The following TTK variants were observed in gnomAD, a reference collection of about 807,000 sequenced individuals.
The protein encoded by TTK is dual specificity protein kinase TTK.
TTK carries 59 observed loss-of-function variants against 117.3 expected under a neutral mutation model. The ratio of observed to expected loss-of-function variants is 0.50; its 90% CI spans 0.41 to 0.62. The LOEUF is 0.62. Among genes scored for constraint, TTK ranks in the 20% least tolerant of loss-of-function variants. The pLI is 0.00. For missense variants in TTK, 921 were observed against 989.4 expected (o/e 0.93, Z 0.93); for synonymous variants, 302 against 325.0 (o/e 0.93, Z 0.76).
In TTK at chr6:80,027,957, C is replaced by T. The variant is rs1286676587; in HGVS notation, c.1467C>T (p.Ala489=). The part of the protein sequence containing the change: ...CQLSTPYGQP[A]CFQQQQHQIL... ...TGTCAACACCTTATGGCCAACCTGC[C>T]TGTTTCCAGCAGCAACAGCATCAAA... The change falls in exon 13 of 22, where the codon GCC becomes GCT. Residue 489 remains alanine, a synonymous_variant. Coordinates refer to ENST00000369798, the MANE Select transcript of TTK (RefSeq NM_003318.5). 3 of 1,607,884 alleles carry T rather than the reference C, an allele frequency of 1.9e-6. No individual in the cohort carries two copies. The highest frequency in any genetic ancestry group is 2.6e-6 in the Non-Finnish European group (3 of 1,176,442).
chr6:80,031,324 G>A, intron 13 of TTK, 143 bp from the exon 14 acceptor site: 1 of 423,146 alleles, frequency 2.4e-6, no homozygotes, highest in Non-Finnish European at 4.0e-6. Context: ...TGATTAAGTA[G>A]AGCAAGTCCT....
In TTK at chr6:80,007,902, C is replaced by G. The variant is rs367719510; in HGVS notation, c.233C>G (p.Pro78Arg). Reference protein sequence around the residue: ...LLLKLEKNSVPLSDALLNKLI... With the variant: ...LLLKLEKNSVRLSDALLNKLI... ...CTCAAACTAGAGAAAAACAGTGTTCCGCTAAGTGATGCTCTTTTAAATAAA... is the reference window on the plus strand; with the variant it reads ...CTCAAACTAGAGAAAAACAGTGTTCGGCTAAGTGATGCTCTTTTAAATAAA... Residue 78 changes from proline to arginine, a missense_variant, in exon 3 of 22, where the codon CCG becomes CGG. Transcript: ENST00000369798. The G allele has an allele frequency of 6.2e-7, 1 of 1,613,522 alleles. No individual in the cohort carries two copies. The highest frequency in any genetic ancestry group is 8.5e-7 in the Non-Finnish European group (1 of 1,179,632).
At chr6:80,036,177 T>C (rs1767901641) in intron 16 of TTK, among the ~76,000 whole-genome samples, 1 of 152,100 alleles carries the variant, frequency 6.6e-6, no homozygotes, top group Non-Finnish European at 1.5e-5. Flanking sequence ...CTGTGTGACC[T>C]TGTACAAGTT....
At position 80,011,625 on chromosome 6, in the gene TTK, A is replaced by G; in HGVS notation, c.728+77A>G. Reference sequence around the variant, plus strand: ...TGTGTTTTTTAATGTAATTACATGTATCTGCATATATGTTTTCATGTGTGT... The same window carrying G: ...TGTGTTTTTTAATGTAATTACATGTGTCTGCATATATGTTTTCATGTGTGT... On this transcript the variant is annotated intron_variant, in intron 6 of 21. Coordinates refer to ENST00000369798, the MANE Select transcript of TTK (RefSeq NM_003318.5). 3 of 1,528,676 alleles carry G rather than the reference A, an allele frequency of 2.0e-6. No homozygotes were observed. In the South Asian group the frequency reaches 3.5e-5, roughly 18 times the overall value. 94.7% of individuals were successfully genotyped at this position (1,528,676 alleles called of 1,614,324 possible).
rs757096451 is a variant in TTK, at chr6:80,034,966, T to C, written c.1615-19T>C. On this transcript the variant is annotated intron_variant, in intron 14 of 21. Coordinates refer to ENST00000369798, the MANE Select transcript of TTK (RefSeq NM_003318.5). The stretch of plus-strand genomic sequence containing the variant: ...GTATAAATAGTATATTCTAAACTTC[T>C]CTTTGTTCTACTCTGTAGGTATTTC... 9.4e-6 allele frequency: 14 copies of C among 1,490,366 alleles called. No individual in the cohort carries two copies. Among genetic ancestry groups the C allele is most frequent in the Non-Finnish European group, 1.2e-5 (14 of 1,120,910 alleles). The allele number at this position is 1,490,366 out of a possible 1,614,324, so 92.3% of individuals were successfully genotyped here.
At chr6:80,024,906 ATAC>A (rs1439393371) in intron 11 of TTK, among the ~76,000 whole-genome samples, 1 of 151,954 alleles carries the variant, frequency 6.6e-6, no homozygotes, top group East Asian at 1.9e-4. Flanking sequence ...TGCTCTTTTG[ATAC>A]TTCTGACTTA....
chr6:80,014,044 T>C (rs1767238313), intron 9 of TTK, among the ~76,000 whole-genome samples: 1 of 152,194 alleles, frequency 6.6e-6, no homozygotes, highest in Non-Finnish European at 1.5e-5. Flanking sequence ...GATTGTTCTC[T>C]GGATTTAGAG....
At position 80,007,340 on chromosome 6, in the gene TTK, G is replaced by A. The variant is rs1351520097; in HGVS notation, c.140-469G>A. On this transcript the variant is annotated intron_variant, in intron 2 of 21. Coordinates refer to ENST00000369798, the MANE Select transcript of TTK (RefSeq NM_003318.5). ...AGGTATACAGAGATAATGTTGAATG[G>A]TTAAGGTTGTAAAGAAGGTTATGTT... is the stretch of plus-strand genomic sequence containing the variant. Among the ~76,000 whole-genome samples the A allele has an allele frequency of 3.3e-5, 5 of 152,124 alleles. No individual in the cohort carries two copies. In the East Asian group the frequency reaches 9.6e-4, roughly 29 times the overall value.
chr6:80,042,049 A>G (rs779489050), intron 21 of TTK, 70 bp from the exon 22 acceptor site: 31 of 852,404 alleles, frequency 3.6e-5, no homozygotes, highest in Non-Finnish European at 5.2e-5. Flanking sequence ...ATACATCAAA[A>G]TACATCTACT....
chr6:80,041,949 C>A (rs1012044866), intron 21 of TTK, among the ~76,000 whole-genome samples, 170 bp from the exon 22 acceptor site: 1 of 151,520 alleles, frequency 6.6e-6, no homozygotes, highest in Non-Finnish European at 1.5e-5. Flanking sequence ...GGCCAAGCTT[C>A]GTGTTTAAAA....
At chr6:80,022,569 A>C (rs1767489913) in intron 11 of TTK, 97 bp downstream of exon 11, 1 of 1,291,212 alleles carries the variant, frequency 7.7e-7, no homozygotes, top group East Asian at 2.5e-5. Flanking sequence ...TTAAATGTGT[A>C]TGATATTTAG....
At chr6:80,029,752 T>C (rs1767704961) in intron 13 of TTK, among the ~76,000 whole-genome samples, 1 of 152,172 alleles carries the variant, frequency 6.6e-6, no homozygotes, top group Non-Finnish European at 1.5e-5. Context: ...CCAATTTGCA[T>C]TTTGGAAACT....
chr6:80,040,359 G>A (rs1295239977), intron 20 of TTK, 79 bp downstream of exon 20: 5 of 1,247,010 alleles, frequency 4.0e-6, no homozygotes, highest in Admixed American at 2.6e-5. Context: ...AACAAAGACA[G>A]AATCTAAATT....
chr6:80,019,179 C>A (rs1243640582), intron 10 of TTK, among the ~76,000 whole-genome samples: 4 of 152,024 alleles, frequency 2.6e-5, no homozygotes, highest in South Asian at 2.1e-4. Context: ...TGTTTATAGA[C>A]CCTTTGAGAG....
chr6:80,009,813 T>C (rs898731463), intron 4 of TTK, among the ~76,000 whole-genome samples: 1 of 152,044 alleles, frequency 6.6e-6, no homozygotes, highest in African/African-American at 2.4e-5. Context: ...ATGCAGAGTC[T>C]GGTGTGTGAG....
At chr6:80,036,191 TA>T (rs1767901789) in intron 16 of TTK, among the ~76,000 whole-genome samples, 1 of 152,092 alleles carries the variant, frequency 6.6e-6, no homozygotes, top group African/African-American at 2.4e-5. Context: ...ACAAGTTACT[TA>T]AACTCTCATT....
At chr6:80,009,627 T>C (rs958686886) in intron 4 of TTK, among the ~76,000 whole-genome samples, 6 of 152,182 alleles carry the variant, frequency 3.9e-5, no homozygotes, top group Admixed American at 1.3e-4. Context: ...AATTGAGTTA[T>C]CTGTAAAAAA....
intron 20 of TTK, 32 bp from the exon 21 acceptor site, chr6:80,040,574 T>C (rs899474942): frequency 1.9e-6 from 3 of 1,571,648 alleles, no homozygotes; most frequent in Admixed American, 1.8e-5. Context: ...TTTTTCTTAC[T>C]GGTACTAGTG....
At chr6:80,037,788 G>A (rs996339728) in intron 17 of TTK, 179 bp from the exon 18 acceptor site, 8 of 272,738 alleles carry the variant, frequency 2.9e-5, no homozygotes, top group Non-Finnish European at 5.4e-5. Flanking sequence ...AAATTTGCAA[G>A]GATATCATTG....
Sources: allele counts gnomAD v4.1 joint callset (sites outside exome capture counted in the v4.1 genomes callset), GRCh38; gene constraint gnomAD v4.1.1; transcripts MANE v1.5; gene names NCBI Gene and HGNC (gene_info 2026-07-23, HGNC 2026-07-21).